PTPRR: variants seen among roughly 807,000 people sequenced by gnomAD.
The protein encoded by PTPRR is protein tyrosine phosphatase receptor type R.
In PTPRR, 38 loss-of-function variants were observed where a neutral mutation model predicts 77.2. The observed-to-expected ratio is 0.49, with a 90% CI of 0.38 to 0.65. The LOEUF is 0.65. Among genes scored for constraint, PTPRR ranks in the 30% least tolerant of loss-of-function variants. The probability of loss-of-function intolerance (pLI) is 0.00; values close to 1 mark genes in which losing one functional copy is unlikely to be tolerated. For missense variants in PTPRR, 744 were observed against 799.2 expected (o/e 0.93, Z 0.83); for synonymous variants, 299 against 283.1 (o/e 1.06, Z -0.57).
At chr12:70,659,578 T>C (rs1392455864) in intron 12 of PTPRR, among the ~76,000 whole-genome samples, 1 of 152,096 alleles carries the variant, frequency 6.6e-6, no homozygotes, top group Admixed American at 6.5e-5. Context: ...ATTTTAGATA[T>C]CCTGAGTGTT....
At chr12:70,901,389 T>A (rs1227409525) in intron 1 of PTPRR, among the ~76,000 whole-genome samples, 1 of 151,644 alleles carries the variant, frequency 6.6e-6, no homozygotes, top group African/African-American at 2.4e-5. Context: ...TAAAAGAGCA[T>A]GGTACTGCTA....
chr12:70,764,008 C>CTT (rs1249116948), intron 3 of PTPRR, among the ~76,000 whole-genome samples: 1,906 of 132,148 alleles, frequency 0.014, 48 homozygotes, highest in African/African-American at 0.048. Context: ...TTTGGGTTTA[C>CTT]TTTTTTTTTT....
intron 6 of PTPRR, among the ~76,000 whole-genome samples, chr12:70,722,838 G>A (rs1487866600): frequency 2.0e-5 from 3 of 152,184 alleles, no homozygotes; most frequent in South Asian, 4.1e-4. Flanking sequence ...CCGTCATAAA[G>A]AAGGTGAGAT....
intron 12 of PTPRR, among the ~76,000 whole-genome samples, chr12:70,659,085 T>TA (rs1447372817): frequency 6.6e-6 from 1 of 151,698 alleles, no homozygotes; most frequent in Non-Finnish European, 1.5e-5. Flanking sequence ...GTATTTTTAG[T>TA]AGAGAGGGCG....
intron 11 of PTPRR, 149 bp from the exon 12 acceptor site, chr12:70,661,246 C>T (rs1298845634): frequency 4.1e-6 from 4 of 970,722 alleles, no homozygotes; most frequent in Non-Finnish European, 6.3e-6. Context: ...TTGAAGAGTG[C>T]CCTTTTACTT....
intron 2 of PTPRR, among the ~76,000 whole-genome samples, chr12:70,774,879 A>T (rs1345541359): frequency 6.6e-6 from 1 of 152,192 alleles, no homozygotes; most frequent in Non-Finnish European, 1.5e-5. Context: ...AGATGCTAGA[A>T]ATGCACAGCC....
chr12:70,802,669 A>G (rs1891638186), intron 2 of PTPRR, among the ~76,000 whole-genome samples: 1 of 152,224 alleles, frequency 6.6e-6, no homozygotes, highest in South Asian at 2.1e-4. Context: ...ATCTGGGGTC[A>G]TGAAGCTATT....
At chr12:70,792,930 CA>C (rs1221281230) in intron 2 of PTPRR, among the ~76,000 whole-genome samples, 114 of 152,092 alleles carry the variant, frequency 7.5e-4, no homozygotes, top group Non-Finnish European at 3.2e-4. Flanking sequence ...TAAGGAAAGA[CA>C]AAAACCAAAT....
chr12:70,645,350 A>T (rs904590280), intron 13 of PTPRR, among the ~76,000 whole-genome samples: 2 of 152,192 alleles, frequency 1.3e-5, no homozygotes, highest in Non-Finnish European at 2.9e-5. Flanking sequence ...GAATCCACAA[A>T]ACTCTTGGCA....
At chr12:70,650,344 T>A (rs1250680492) in intron 13 of PTPRR, among the ~76,000 whole-genome samples, 1 of 152,016 alleles carries the variant, frequency 6.6e-6, no homozygotes, top group Non-Finnish European at 1.5e-5. Context: ...GGATAATCGC[T>A]TGAACCCAGG....
Position 70,648,345 on chromosome 12 carries a change from C to A in PTPRR, c.1880+8359G>T, listed in dbSNP as rs544149782. ...CAAATCTTCAAAGACTCAAAGAAAG[C>A]AAGAGCTGAGAGGGATCTCAGAAAG... On this transcript the variant is annotated intron_variant, in intron 13 of 13. Coordinates refer to ENST00000283228, the MANE Select transcript of PTPRR (RefSeq NM_002849.4). 3.3e-3 allele frequency among the ~76,000 whole-genome samples: 506 copies of A among 152,232 alleles called. 2 individuals carry two copies. Among genetic ancestry groups the A allele is most frequent in the African/African-American group, 0.01 (423 of 41,526 alleles).
At chr12:70,814,611 G>C (rs1045847879) in intron 2 of PTPRR, among the ~76,000 whole-genome samples, 2 of 152,132 alleles carry the variant, frequency 1.3e-5, no homozygotes, top group Non-Finnish European at 2.9e-5. Flanking sequence ...AGGCTAGCAG[G>C]CTCTGGGAGT....
At chr12:70,675,111 T>C (rs117683051) in intron 10 of PTPRR, among the ~76,000 whole-genome samples, 4,497 of 152,194 alleles carry the variant, frequency 0.03, 91 homozygotes, top group Non-Finnish European at 0.044. Context: ...TTGAGAATTA[T>C]TCTTTTGAGA....
chr12:70,892,938 T>A lies in PTPRR; in HGVS notation c.98A>T (p.Asn33Ile). ...SGNNDHFLAI[N>I]QKKSGKPVFI... ...TACCGGCTTCCCACTCTTCTTCTGATTAATTGCCAAAAAATGATCATTGTT... is the reference window on the plus strand; with the variant it reads ...TACCGGCTTCCCACTCTTCTTCTGAATAATTGCCAAAAAATGATCATTGTT... Residue 33 changes from asparagine to isoleucine, a missense_variant, in exon 2 of 14, where the codon AAT (asparagine) becomes ATT (isoleucine). Around this residue, in one of 3 missense-constraint regions of PTPRR, gnomAD observed 570 missense variants for 573.2 expected, o/e 0.99. Transcript: ENST00000283228. The A allele has an allele frequency of 6.2e-7, 1 of 1,613,024 alleles. No homozygotes were observed. Among genetic ancestry groups the A allele is most frequent in the Non-Finnish European group, 8.5e-7 (1 of 1,179,390 alleles).
At chr12:70,882,217 G>GTC (rs892064303) in intron 2 of PTPRR, among the ~76,000 whole-genome samples, 3 of 152,168 alleles carry the variant, frequency 2.0e-5, no homozygotes, top group Non-Finnish European at 2.9e-5. Flanking sequence ...TAGAAGCTTT[G>GTC]TCATTAAATA....
chr12:70,871,553 T>C (rs2137091741), intron 2 of PTPRR, among the ~76,000 whole-genome samples: 1 of 152,312 alleles, frequency 6.6e-6, no homozygotes, highest in African/African-American at 2.4e-5. Flanking sequence ...CAATATACAT[T>C]CTAATTTCAG....
chr12:70,801,545 C>T (rs1347607220), intron 2 of PTPRR, among the ~76,000 whole-genome samples: 4 of 152,166 alleles, frequency 2.6e-5, no homozygotes, highest in African/African-American at 4.8e-5. Flanking sequence ...GATTCAGATT[C>T]GAACTTACAC....
intron 2 of PTPRR, among the ~76,000 whole-genome samples, chr12:70,785,003 A>C (rs1891292256): frequency 6.6e-6 from 1 of 152,178 alleles, no homozygotes; most frequent in Admixed American, 6.5e-5. Context: ...AAATGCTATC[A>C]TTTGTTTCTG....
At chr12:70,717,964 T>C (rs1049805513) in intron 6 of PTPRR, among the ~76,000 whole-genome samples, 26 of 152,222 alleles carry the variant, frequency 1.7e-4, no homozygotes, top group African/African-American at 5.8e-4. Context: ...GTAATTTTCC[T>C]GTAATAATGC....
Sources: gnomAD v4.1 joint callset for allele counts (sites outside exome capture counted in the v4.1 genomes callset) on GRCh38, gnomAD v4.1.1 for gene constraint, gnomAD v4.1.1 regional missense constraint, MANE v1.5 for transcripts, NCBI Gene and HGNC (gene_info 2026-07-23, HGNC 2026-07-21) for gene names.